Variants in DGKB observed in about 807,000 individuals in gnomAD.
The protein encoded by DGKB is 90 kDa diacylglycerol kinase.
A neutral mutation model predicts 114.3 loss-of-function variants in DGKB; 67 were observed. That is an observed-to-expected ratio of 0.59 (90% CI 0.48 to 0.72). The LOEUF (loss-of-function observed/expected upper bound fraction) is 0.72, where lower values mean the gene tolerates loss of function less well. DGKB is among the 30% of genes least tolerant of loss of function. DGKB has a pLI of 0.00. For missense variants in DGKB, 907 were observed against 975.2 expected (o/e 0.93, Z 0.93); for synonymous variants, 398 against 323.1 (o/e 1.23, Z -2.49).
At chr7:14,754,062 A>T in intron 3 of DGKB, 114 bp from the exon 4 acceptor site, 1 of 749,126 alleles carries the variant, frequency 1.3e-6, no homozygotes. Context: ...TGATTTTAAA[A>T]CACACCCTAG....
In DGKB at chr7:14,178,066, G is replaced by A. The variant is rs1782050828; in HGVS notation, c.2208C>T (p.Gly736=). 3 of 1,604,860 alleles carry A rather than the reference G, an allele frequency of 1.9e-6. No individual in the cohort carries two copies. Among genetic ancestry groups the A allele is most frequent in the Non-Finnish European group, 1.7e-6 (2 of 1,176,938 alleles). The change falls in exon 24 of 26, where the codon GGC becomes GGT. Residue 736 remains glycine (G), a synonymous_variant. Coordinates refer to ENST00000402815, the MANE Select transcript of DGKB (RefSeq NM_001350709.2). The stretch of plus-strand genomic sequence containing the variant: ...CGCAGGAGCACTGAGCCAGCCGCCG[G>A]CCAGCACTTTTCAGGCCTGTGTATA... ...GQIYTGLKSA[G]RRLAQCSCVV... is the part of the protein sequence containing the mutation.
chr7:14,511,576 T>A (rs1247287872), intron 20 of DGKB, among the ~76,000 whole-genome samples: 1 of 152,226 alleles, frequency 6.6e-6, no homozygotes, highest in Non-Finnish European at 1.5e-5. Context: ...TGTTTCACTT[T>A]CACTTCATAG....
At chr7:14,411,081 C>T (rs1824795396) in intron 21 of DGKB, among the ~76,000 whole-genome samples, 2 of 152,202 alleles carry the variant, frequency 1.3e-5, no homozygotes, top group African/African-American at 2.4e-5. Context: ...TCCCAGTCAG[C>T]CACACCATCG....
intron 1 of DGKB, among the ~76,000 whole-genome samples, chr7:14,861,786 C>G (rs1384981788): frequency 1.3e-5 from 2 of 151,928 alleles, no homozygotes; most frequent in Admixed American, 6.6e-5. Context: ...TACATTGAGG[C>G]ATAGAACTGA....
chr7:14,702,080 A>G (rs982450015), intron 6 of DGKB, among the ~76,000 whole-genome samples: 1 of 152,214 alleles, frequency 6.6e-6, no homozygotes, highest in Non-Finnish European at 1.5e-5. Flanking sequence ...AGCAGAGTGC[A>G]TAAGGAAAAA....
At chr7:14,288,232 T>TTA (rs1491114020) in intron 23 of DGKB, among the ~76,000 whole-genome samples, 1 of 140,660 alleles carries the variant, frequency 7.1e-6, no homozygotes, top group African/African-American at 2.7e-5. Flanking sequence ...TTTTTTTTTT[T>TTA]AATTTTTTTT....
intron 1 of DGKB, among the ~76,000 whole-genome samples, chr7:14,956,039 T>A (rs1362915980): frequency 6.6e-6 from 1 of 151,834 alleles, no homozygotes; most frequent in Non-Finnish European, 1.5e-5. Flanking sequence ...CAAATAACAT[T>A]GGCAAAACTC....
chr7:14,371,306 C>G (rs1817599346), intron 21 of DGKB, among the ~76,000 whole-genome samples: 2 of 152,122 alleles, frequency 1.3e-5, no homozygotes, highest in African/African-American at 4.8e-5. Flanking sequence ...GCAAGCATTC[C>G]CTTTTCTCTG....
chr7:14,380,148 G>C (rs1354472947), intron 21 of DGKB, among the ~76,000 whole-genome samples: 1 of 151,990 alleles, frequency 6.6e-6, no homozygotes, highest in Non-Finnish European at 1.5e-5. Context: ...TTTGTCTTCA[G>C]TGATTAAAAC....
At chr7:14,661,796 G>A (rs1442346673) in intron 13 of DGKB, among the ~76,000 whole-genome samples, 1 of 151,940 alleles carries the variant, frequency 6.6e-6, no homozygotes, top group Non-Finnish European at 1.5e-5. Context: ...CAAAGACTTG[G>A]AACCAACCCA....
At position 14,696,501 on chromosome 7, in the gene DGKB, C is replaced by CAAAAAAAAA. The variant is rs35486620; in HGVS notation, c.591+1585_591+1593dup. 3.6e-4 allele frequency among the ~76,000 whole-genome samples: 16 copies of CAAAAAAAAA among 45,058 alleles called. 1 individual carries two copies. Among genetic ancestry groups the CAAAAAAAAA allele is most frequent in the Admixed American group, 9.7e-4 (2 of 2,052 alleles). The allele number at this position is 45,058 out of a possible 152,430, so 29.6% of individuals were successfully genotyped here. On this transcript the variant is annotated intron_variant, in intron 8 of 25. Coordinates refer to ENST00000402815, the MANE Select transcript of DGKB (RefSeq NM_001350709.2). The stretch of plus-strand genomic sequence containing the variant: ...TGGGCGACAGAGCGAGACTCCGTCT[C>CAAAAAAAAA]AAAAAAAAAAAAAAAAAAAAAAAAA...
At chr7:14,242,875 T>TTC (rs1450196075) in intron 23 of DGKB, among the ~76,000 whole-genome samples, 2 of 151,744 alleles carry the variant, frequency 1.3e-5, no homozygotes, top group East Asian at 3.9e-4. Flanking sequence ...TGTTTTTTTT[T>TTC]TTTTTAAAGT....
chr7:14,593,520 C>T (rs184615781), intron 17 of DGKB, among the ~76,000 whole-genome samples: 43 of 151,926 alleles, frequency 2.8e-4, no homozygotes, highest in Admixed American at 5.9e-4. Context: ...GTTGAAATAT[C>T]CTTGCCATCA....
intron 1 of DGKB, among the ~76,000 whole-genome samples, chr7:14,868,049 A>T (rs367992862): frequency 6.6e-6 from 1 of 152,146 alleles, no homozygotes; most frequent in South Asian, 2.1e-4. Context: ...TTGAATCCCA[A>T]TTTTTAATCC....
In DGKB at chr7:14,671,451, C is replaced by T. The variant is rs184309571; in HGVS notation, c.1134+1478G>A. Among the ~76,000 whole-genome samples, 28 of 152,190 alleles carry T rather than the reference C, an allele frequency of 1.8e-4. No homozygotes were observed. In the East Asian group the frequency reaches 5.2e-3, roughly 28 times the overall value. On this transcript the variant is annotated intron_variant, in intron 13 of 25. Coordinates refer to ENST00000402815, the MANE Select transcript of DGKB (RefSeq NM_001350709.2). ...GGATATTTAATGATTAGAGATGAATCTTCAGAATAAAAACTGTCTAAAAAC... is the reference window on the plus strand; with the variant it reads ...GGATATTTAATGATTAGAGATGAATTTTCAGAATAAAAACTGTCTAAAAAC...
At chr7:14,718,216 T>TA (rs760606252) in intron 6 of DGKB, among the ~76,000 whole-genome samples, 46 of 152,110 alleles carry the variant, frequency 3.0e-4, no homozygotes, top group Non-Finnish European at 5.0e-4. Flanking sequence ...ACACTAGAAA[T>TA]ACATGCTTTA....
rs139711713 is a variant in DGKB, at chr7:14,500,414, T to C, written c.1771-22189A>G. 4.5e-4 allele frequency among the ~76,000 whole-genome samples: 69 copies of C among 151,832 alleles called. No homozygotes were observed. The East Asian group carries it at 0.011, about 24-fold the overall frequency. On this transcript the variant is annotated intron_variant, in intron 20 of 25. Transcript: ENST00000402815. ...GTTTATTCATTGAACCCTTATTCTA[T>C]GTTTAGTACTGGAGTAAGGGTTTAA...
intron 17 of DGKB, among the ~76,000 whole-genome samples, chr7:14,601,767 C>G (rs1466976415): frequency 6.6e-6 from 1 of 152,184 alleles, no homozygotes; most frequent in Non-Finnish European, 1.5e-5. Flanking sequence ...CACTTCATAA[C>G]AAGGATTGCC....
Position 14,511,083 on chromosome 7 carries a change from T to C in DGKB, c.1771-32858A>G, listed in dbSNP as rs140500642. 4.1e-3 allele frequency among the ~76,000 whole-genome samples: 622 copies of C among 152,298 alleles called. 5 individuals are homozygous for C. The highest frequency in any genetic ancestry group is 0.014 in the African/African-American group (590 of 41,562). On this transcript the variant is annotated intron_variant, in intron 20 of 25. Coordinates refer to ENST00000402815, the MANE Select transcript of DGKB (RefSeq NM_001350709.2). ...GTCCTAGGATCTTCAGAATGGTCAATGAGCACTGGCTTCATCTTAAAGTCA... is the reference window on the plus strand; with the variant it reads ...GTCCTAGGATCTTCAGAATGGTCAACGAGCACTGGCTTCATCTTAAAGTCA...
Sources: allele counts gnomAD v4.1 joint callset (sites outside exome capture counted in the v4.1 genomes callset), GRCh38; gene constraint gnomAD v4.1.1; transcripts MANE v1.5; gene names NCBI Gene and HGNC (gene_info 2026-07-23, HGNC 2026-07-21).